Variants in CSMD1 observed in about 807,000 individuals in gnomAD.
The protein encoded by CSMD1 is CUB and Sushi multiple domains 1.
In CSMD1, 213 loss-of-function variants were observed where a neutral mutation model predicts 417.5. The observed-to-expected ratio is 0.51, with a 90% confidence interval of 0.46 to 0.57. CSMD1 has a LOEUF of 0.57. Among genes scored for constraint, CSMD1 ranks in the 20% least tolerant of loss-of-function variants. CSMD1 has a pLI of 0.00. For missense variants in CSMD1, 6,923 were observed against 4,529.7 expected, an observed-to-expected ratio of 1.53 and a Z score of -15.17; for synonymous variants, 2,862 against 1,736.8, an observed-to-expected ratio of 1.65 and a Z score of -16.11.
intron 5 of CSMD1, among the ~76,000 whole-genome samples, chr8:3,945,435 A>G (rs1295278718): frequency 6.6e-6 from 1 of 152,106 alleles, no homozygotes. Flanking sequence ...AAATAACTTC[A>G]ATAGTCTAAC....
At chr8:3,571,221 T>G (rs1273590344) in intron 10 of CSMD1, among the ~76,000 whole-genome samples, 1 of 152,178 alleles carries the variant, frequency 6.6e-6, no homozygotes, top group African/African-American at 2.4e-5. Context: ...CTGCATGCTG[T>G]CATCCTAATT....
At chr8:3,459,081 A>G (rs1448721087) in intron 12 of CSMD1, among the ~76,000 whole-genome samples, 1 of 152,208 alleles carries the variant, frequency 6.6e-6, no homozygotes, top group East Asian at 1.9e-4. Context: ...GTGGGGGAGA[A>G]CGATGGATGG....
chr8:3,193,512 G>A (rs1415313936), intron 33 of CSMD1, among the ~76,000 whole-genome samples: 1 of 151,972 alleles, frequency 6.6e-6, no homozygotes, highest in African/African-American at 2.4e-5. Flanking sequence ...CATCCTCCCC[G>A]CCCGTCCTCT....
intron 25 of CSMD1, among the ~76,000 whole-genome samples, chr8:3,307,130 T>TTCTTCATATC (rs1264293529): frequency 6.6e-6 from 1 of 152,174 alleles, no homozygotes; most frequent in Non-Finnish European, 1.5e-5. Flanking sequence ...TAGAGTGTAT[T>TTCTTCATATC]TCTTCATATC....
rs150676846 is a variant in CSMD1 at position 3,160,117 on chromosome 8, A to G, written c.5844+2042T>C. Among the ~76,000 whole-genome samples the G allele has an allele frequency of 4.6e-4, 70 of 152,142 alleles. 1 individual carries two copies. The highest frequency in any genetic ancestry group is 1.5e-3 in the African/African-American group (64 of 41,518). On this transcript the variant is annotated intron_variant, in intron 38 of 69. Coordinates refer to ENST00000635120, the MANE Select transcript of CSMD1 (RefSeq NM_033225.6). ...ATGAGATCCTTGAGATATGAAAGAC[A>G]ATTCTTTTCTTTTTTTCTTTTTTTA...
chr8:4,979,229 C>G (rs982879312), intron 1 of CSMD1, among the ~76,000 whole-genome samples: 6 of 151,946 alleles, frequency 3.9e-5, no homozygotes, highest in Admixed American at 1.3e-4. Flanking sequence ...TTTTTAGTTG[C>G]AGTAATAAAA....
intron 54 of CSMD1, among the ~76,000 whole-genome samples, chr8:2,992,908 AT>A (rs1371589033): frequency 6.6e-6 from 1 of 151,070 alleles, no homozygotes; most frequent in Non-Finnish European, 1.5e-5. Flanking sequence ...CAGCTGGCTA[AT>A]TTTTGTAGAG....
rs187469600 is a variant in CSMD1, at chr8:3,231,114, T to G, written c.4154-883A>C. ...TTTTCACCAGAGTATCCCCCATCAC[T>G]CTAAAATACAGCAGCCTCAAGAAAT... On this transcript the variant is annotated intron_variant, in intron 26 of 69. Coordinates refer to ENST00000635120, the MANE Select transcript of CSMD1 (RefSeq NM_033225.6). Among the ~76,000 whole-genome samples, 11 of 152,250 alleles carry G rather than the reference T, an allele frequency of 7.2e-5. No homozygotes were observed. In the East Asian group the frequency reaches 2.1e-3, roughly 29 times the overall value.
At chr8:4,716,178 C>G (rs956309284) in intron 1 of CSMD1, among the ~76,000 whole-genome samples, 1 of 152,158 alleles carries the variant, frequency 6.6e-6, no homozygotes, top group Non-Finnish European at 1.5e-5. Context: ...AGGAATCCCC[C>G]TGAGCAGGCG....
chr8:3,706,422 A>G (rs1212935395), intron 7 of CSMD1, among the ~76,000 whole-genome samples: 1 of 152,136 alleles, frequency 6.6e-6, no homozygotes, highest in African/African-American at 2.4e-5. Flanking sequence ...ACCATTGATT[A>G]CCTTCCTCAT....
At chr8:4,543,943 G>A (rs151028569) in intron 2 of CSMD1, among the ~76,000 whole-genome samples, 7 of 152,242 alleles carry the variant, frequency 4.6e-5, no homozygotes, top group African/African-American at 1.7e-4. Flanking sequence ...TTGGTGAGGT[G>A]TCTGTTAAGG....
At position 4,726,156 on chromosome 8, in the gene CSMD1, G is replaced by A. The variant is rs1296828252; in HGVS notation, c.86-88598C>T. ...CTGGGCGAGCCATTTGCATCCAGATGAATACAAAACCTACAGTTGGTTGTA... is the reference window on the plus strand; with the variant it reads ...CTGGGCGAGCCATTTGCATCCAGATAAATACAAAACCTACAGTTGGTTGTA... On this transcript the variant is annotated intron_variant, in intron 1 of 69. Transcript: ENST00000635120. Among the ~76,000 whole-genome samples, 10 of 152,066 alleles carry A rather than the reference G, an allele frequency of 6.6e-5. No individual in the cohort carries two copies. In the East Asian group the frequency reaches 1.9e-3, roughly 29 times the overall value.
At chr8:3,682,544 A>T (rs1193242141) in intron 7 of CSMD1, among the ~76,000 whole-genome samples, 3 of 152,192 alleles carry the variant, frequency 2.0e-5, no homozygotes, top group Non-Finnish European at 4.4e-5. Flanking sequence ...AGGAAACAAC[A>T]GGTGCTGGAG....
At chr8:4,759,669 G>C (rs1013628761) in intron 1 of CSMD1, among the ~76,000 whole-genome samples, 2 of 152,058 alleles carry the variant, frequency 1.3e-5, no homozygotes, top group African/African-American at 4.8e-5. Context: ...GTGGTGTTTG[G>C]TTTTCGGTTG....
At chr8:3,627,281 C>T (rs1796539901) in intron 7 of CSMD1, among the ~76,000 whole-genome samples, 1 of 152,094 alleles carries the variant, frequency 6.6e-6, no homozygotes, top group Admixed American at 6.5e-5. Flanking sequence ...TTTGAAAATA[C>T]CTAGCTGCAA....
intron 2 of CSMD1, among the ~76,000 whole-genome samples, chr8:4,458,525 A>C (rs1370880196): frequency 1.3e-5 from 2 of 152,144 alleles, no homozygotes; most frequent in South Asian, 4.1e-4. Flanking sequence ...ATAGTGTGAA[A>C]GAGGTATGTA....
intron 3 of CSMD1, among the ~76,000 whole-genome samples, chr8:4,332,234 C>T (rs1368059520): frequency 6.6e-6 from 1 of 152,078 alleles, no homozygotes; most frequent in African/African-American, 2.4e-5. Context: ...GAAGCTAACG[C>T]TAGCCATTGC....
At chr8:3,243,095 G>C (rs540241786) in intron 26 of CSMD1, among the ~76,000 whole-genome samples, 1 of 152,256 alleles carries the variant, frequency 6.6e-6, no homozygotes, top group African/African-American at 2.4e-5. Context: ...GAGATTGAAG[G>C]GTGGCGACAA....
At chr8:4,127,959 T>C (rs1488930880) in intron 3 of CSMD1, among the ~76,000 whole-genome samples, 7 of 152,198 alleles carry the variant, frequency 4.6e-5, no homozygotes, top group African/African-American at 1.7e-4. Flanking sequence ...TTGCAAAGCC[T>C]TGTGATATTG....
Sources: gnomAD v4.1 joint callset for allele counts (sites outside exome capture counted in the v4.1 genomes callset) on GRCh38, gnomAD v4.1.1 for gene constraint, MANE v1.5 for transcripts, NCBI Gene and HGNC (gene_info 2026-07-23, HGNC 2026-07-21) for gene names.